Variants in LRRC38 observed in about 807,000 individuals in gnomAD.
The protein encoded by LRRC38 is leucine-rich repeat-containing protein 38.
A neutral mutation model predicts 16.4 loss-of-function variants in LRRC38; 5 were observed. The observed-to-expected ratio is 0.31, with a 90% confidence interval of 0.16 to 0.64. The LOEUF (loss-of-function observed/expected upper bound fraction) is 0.64. Among genes scored for constraint, LRRC38 ranks in the 30% least tolerant of loss-of-function variants. The pLI is 0.80. For synonymous variants in LRRC38, 191 were observed against 190.2 expected (o/e 1.00, Z -0.04); for missense variants, 341 against 401.8 (o/e 0.85, Z 1.29).
chr1:13,502,175 AGGTAATCTGCCCGCCTCG>A (rs1267041230), intron 1 of LRRC38, among the ~76,000 whole-genome samples: 1 of 149,104 alleles, frequency 6.7e-6, no homozygotes, highest in Non-Finnish European at 1.5e-5. Flanking sequence ...TCCTGACCTC[AGGTAATCTGCCCGCCTCG>A]GCCTCCCAAA....
chr1:13,512,911 G>C lies in LRRC38; in HGVS notation c.631+52C>G, dbSNP rs1186047719. 8.0e-6 allele frequency: 11 copies of C among 1,381,202 alleles called. No individual in the cohort carries two copies. In the East Asian group the frequency reaches 2.8e-4, roughly 35 times the overall value. 85.6% of individuals were successfully genotyped at this position (1,381,202 alleles called of 1,614,324 possible). A position where few individuals can be genotyped will look rare whatever the true frequency, so the allele number is the denominator to read the frequency against. On this transcript the variant is annotated intron_variant, in intron 1 of 1. Coordinates refer to ENST00000376085, the MANE Select transcript of LRRC38 (RefSeq NM_001010847.2). ...CCCACCCAGACTGGGGTCTGGGGTG[G>C]CCTCTCCCTGCCCCCCTCCCTCCCT... is the stretch of plus-strand genomic sequence containing the variant.
At chr1:13,505,739 G>T (rs1301696395) in intron 1 of LRRC38, among the ~76,000 whole-genome samples, 1 of 152,204 alleles carries the variant, frequency 6.6e-6, no homozygotes, top group African/African-American at 2.4e-5. Context: ...AAGGCCTCTC[G>T]GAGGAGGTGA....
intron 1 of LRRC38, among the ~76,000 whole-genome samples, chr1:13,494,615 A>G (rs1386376439): frequency 6.6e-6 from 1 of 152,202 alleles, no homozygotes; most frequent in Admixed American, 6.5e-5. Flanking sequence ...GATCGAAATC[A>G]AAAGCCTGTG....
chr1:13,511,483 T>G (rs567441947), intron 1 of LRRC38, among the ~76,000 whole-genome samples: 2 of 152,132 alleles, frequency 1.3e-5, no homozygotes, highest in South Asian at 4.1e-4. Flanking sequence ...ACAGTCACCA[T>G]GGCAGAACTG....
In LRRC38 at chr1:13,512,826, G is replaced by A. The variant is rs1448278782; in HGVS notation, c.631+137C>T. 1.4e-5 allele frequency: 12 copies of A among 886,398 alleles called. No homozygotes were observed. In the South Asian group the frequency reaches 1.6e-4, roughly 12 times the overall value. The allele number at this position is 886,398 out of a possible 1,614,324, so 54.9% of individuals were successfully genotyped here. ...CCTCTCCACCCACTTCCCCAGCAGA[G>A]ACCCAGGAAAAGTTCAGGATCCCCC... is the stretch of plus-strand genomic sequence containing the variant. On this transcript the variant is annotated intron_variant, in intron 1 of 1. Transcript: ENST00000376085.
At chr1:13,502,276 T>TA (rs907399987) in intron 1 of LRRC38, among the ~76,000 whole-genome samples, 2 of 152,002 alleles carry the variant, frequency 1.3e-5, no homozygotes, top group African/African-American at 4.8e-5. Flanking sequence ...TAAAATAAAA[T>TA]AAAGCCACCT....
intron 1 of LRRC38, among the ~76,000 whole-genome samples, chr1:13,492,156 TTTCTC>T (rs1487866251): frequency 6.6e-6 from 1 of 152,234 alleles, no homozygotes; most frequent in African/African-American, 2.4e-5. Context: ...ATTATTCTAC[TTTCTC>T]TTCTGTGAGT....
chr1:13,476,041 C>G lies in LRRC38; in HGVS notation c.690G>C (p.Glu230Asp). ...ACTCGCTGAAGCTGGCCTCCGACAG[C>G]TCACGCAGGGATATCCTCCTGCTCT... ...PMESRRISLR[E>D]LSEASFSECR... is the part of the protein sequence containing the mutation. Residue 230 changes from glutamate (E) to aspartate (D), a missense_variant, in exon 2 of 2, where the codon GAG (glutamate) becomes GAC (aspartate). Physicochemically the swap from Glu to Asp is conservative, Grantham distance 45 (BLOSUM62 2). Transcript: ENST00000376085. 3 of 1,550,528 alleles carry G rather than the reference C, an allele frequency of 1.9e-6. No homozygotes were observed. Among genetic ancestry groups the G allele is most frequent in the Non-Finnish European group, 1.7e-6 (2 of 1,146,954 alleles).
At chr1:13,490,147 GTTTT>G (rs1014903559) in intron 1 of LRRC38, among the ~76,000 whole-genome samples, 1 of 151,788 alleles carries the variant, frequency 6.6e-6, no homozygotes, top group African/African-American at 2.4e-5. Context: ...TGATCATAGT[GTTTT>G]TTTTGTTTTT....
At chr1:13,512,255 T>C (rs1188381959) in intron 1 of LRRC38, among the ~76,000 whole-genome samples, 1 of 152,222 alleles carries the variant, frequency 6.6e-6, no homozygotes, top group Non-Finnish European at 1.5e-5. Flanking sequence ...ATGGAGCCCC[T>C]TAACTCCCTC....
intron 1 of LRRC38, among the ~76,000 whole-genome samples, chr1:13,478,815 T>C (rs1638817263): frequency 1.3e-5 from 2 of 152,136 alleles, no homozygotes. Flanking sequence ...GATGGAGGAA[T>C]AGTATCTGAG....
At chr1:13,482,623 G>A (rs1638883540) in intron 1 of LRRC38, among the ~76,000 whole-genome samples, 2 of 151,816 alleles carry the variant, frequency 1.3e-5, no homozygotes. Flanking sequence ...CACAAGACAG[G>A]TCAAGGGCAA....
Position 13,512,994 on chromosome 1 carries a change from C to T in LRRC38, c.600G>A (p.Trp200Ter). ...CDCDFAHLFS[W>*]IQENASKLPK... ...GCAGTTTGGATGCGTTCTCCTGGAT[C>T]CAGGAGAAGAGGTGGGCGAAGTCAC... Residue 200 changes from tryptophan (W) to a stop codon, truncating the protein, a stop_gained, in exon 1 of 2, where the codon TGG becomes TGA. Transcript: ENST00000376085. LOFTEE classifies it high-confidence loss of function. 3.6e-6 allele frequency: 5 copies of T among 1,377,828 alleles called. No individual in the cohort carries two copies. The highest frequency in any genetic ancestry group is 4.8e-6 in the Non-Finnish European group (5 of 1,038,080). The allele number at this position is 1,377,828 out of a possible 1,614,324, so 85.4% of individuals were successfully genotyped here.
Position 13,513,285 on chromosome 1 carries a change from C to G in LRRC38, c.309G>C (p.Ser103=). The change falls in exon 1 of 2, where the codon TCG becomes TCC. Residue 103 remains serine, a synonymous_variant. Coordinates refer to ENST00000376085, the MANE Select transcript of LRRC38 (RefSeq NM_001010847.2). ...RSLEEGTFSG[S]AKLVFLDLSY... is the part of the protein sequence containing the mutation. ...TGAGGTCGAGGAACACGAGCTTGGCCGAGCCGCTGAACGTGCCCTCCTCCA... is the reference window on the plus strand; with the variant it reads ...TGAGGTCGAGGAACACGAGCTTGGCGGAGCCGCTGAACGTGCCCTCCTCCA... The G allele has an allele frequency of 6.4e-7, 1 of 1,550,694 alleles. No homozygotes were observed. Among genetic ancestry groups the G allele is most frequent in the Non-Finnish European group, 8.7e-7 (1 of 1,147,004 alleles).
intron 1 of LRRC38, among the ~76,000 whole-genome samples, chr1:13,506,577 C>T (rs1639216074): frequency 6.6e-6 from 1 of 152,198 alleles, no homozygotes; most frequent in Admixed American, 6.5e-5. Flanking sequence ...CCTGCCTCAG[C>T]CTCCCAAGTA....
At chr1:13,485,285 A>AAAAAAACAAAAAAAAAC (rs1557496517) in intron 1 of LRRC38, among the ~76,000 whole-genome samples, 3 of 149,122 alleles carry the variant, frequency 2.0e-5, no homozygotes, top group African/African-American at 7.6e-5. Flanking sequence ...CTTAAAAAAA[A>AAAAAAACAAAAAAAAAC]AAAAAAAAAC....
intron 1 of LRRC38, among the ~76,000 whole-genome samples, chr1:13,507,263 G>A (rs1238726644): frequency 2.0e-5 from 3 of 152,168 alleles, no homozygotes; most frequent in African/African-American, 7.2e-5. Context: ...TGGTGAGAAA[G>A]GTGACACCCC....
intron 1 of LRRC38, among the ~76,000 whole-genome samples, chr1:13,484,300 C>T (rs1638906317): frequency 2.0e-5 from 3 of 152,172 alleles, no homozygotes; most frequent in South Asian, 2.1e-4. Context: ...TCCCCCTTCC[C>T]TCTTTGTTTT....
chr1:13,485,032 C>G (rs545101082), intron 1 of LRRC38, among the ~76,000 whole-genome samples: 12 of 152,184 alleles, frequency 7.9e-5, no homozygotes, highest in Admixed American at 2.6e-4. Context: ...AATCCCAGCA[C>G]TTTGGGAGGC....
Sources: allele counts gnomAD v4.1 joint callset (sites outside exome capture counted in the v4.1 genomes callset), GRCh38; gene constraint gnomAD v4.1.1; transcripts MANE v1.5; gene names NCBI Gene and HGNC (gene_info 2026-07-23, HGNC 2026-07-21).